The following MAN1A1 variants were observed in gnomAD, a reference collection of about 807,000 sequenced individuals.
The protein encoded by MAN1A1 is mannosyl-oligosaccharide 1,2-alpha-mannosidase IA.
In MAN1A1, 29 loss-of-function variants were observed where a neutral mutation model predicts 70.8. The ratio of observed to expected loss-of-function variants is 0.41; its 90% CI spans 0.31 to 0.56. The LOEUF is 0.56. MAN1A1 is among the 20% of genes least tolerant of loss of function. MAN1A1 has a pLI of 0.29. For missense variants in MAN1A1, 747 were observed against 841.3 expected (o/e 0.89, Z 1.39); for synonymous variants, 349 against 330.1 (o/e 1.06, Z -0.62).
At chr6:119,215,913 C>G (rs986026382) in intron 6 of MAN1A1, among the ~76,000 whole-genome samples, 1 of 152,138 alleles carries the variant, frequency 6.6e-6, no homozygotes, top group African/African-American at 2.4e-5. Flanking sequence ...TTTAGACTGG[C>G]TTGTTGTGAA....
At chr6:119,221,456 A>G (rs530679870) in intron 6 of MAN1A1, among the ~76,000 whole-genome samples, 443 of 149,324 alleles carry the variant, frequency 3.0e-3, no homozygotes, top group African/African-American at 0.01. Flanking sequence ...GAATATTCAG[A>G]GACCCATTTT....
At chr6:119,270,213 C>T (rs759811855) in intron 5 of MAN1A1, among the ~76,000 whole-genome samples, 20 of 152,074 alleles carry the variant, frequency 1.3e-4, no homozygotes, top group African/African-American at 4.1e-4. Context: ...AATTCAAGCC[C>T]GCACTCTGTG....
rs563513653 is a variant in MAN1A1 at position 119,311,077 on chromosome 6, A to G, written c.604-4085T>C. Among the ~76,000 whole-genome samples the G allele has an allele frequency of 2.0e-5, 3 of 152,324 alleles. No individual in the cohort carries two copies. In the East Asian group the frequency reaches 5.8e-4, roughly 29 times the overall value. ...CAAGGCAATTAATCTCTCTGAGCCC[A>G]CTTTCTGCACACACAAAATGTGAAT... is the stretch of plus-strand genomic sequence containing the variant. On this transcript the variant is annotated intron_variant, in intron 2 of 12. Coordinates refer to ENST00000368468, the MANE Select transcript of MAN1A1 (RefSeq NM_005907.4).
chr6:119,289,061 A>G (rs929417199), intron 5 of MAN1A1, among the ~76,000 whole-genome samples: 2 of 32,518 alleles, frequency 6.2e-5, no homozygotes, highest in Non-Finnish European at 1.6e-4. Flanking sequence ...TGTGGGTATT[A>G]TAATTATATA....
intron 5 of MAN1A1, among the ~76,000 whole-genome samples, chr6:119,279,415 C>T (rs1776166602): frequency 6.6e-6 from 1 of 152,192 alleles, no homozygotes; most frequent in African/African-American, 2.4e-5. Flanking sequence ...TAACTGCCTT[C>T]TCCATGCTTG....
At chr6:119,239,906 C>T (rs1774957076) in intron 6 of MAN1A1, among the ~76,000 whole-genome samples, 1 of 152,208 alleles carries the variant, frequency 6.6e-6, no homozygotes, top group Non-Finnish European at 1.5e-5. Flanking sequence ...GGCTGATTCG[C>T]AACCAATTGT....
intron 6 of MAN1A1, chr6:119,210,920 T>C (rs951901594): frequency 4.4e-6 from 2 of 456,368 alleles, no homozygotes; most frequent in Non-Finnish European, 8.8e-6. Context: ...CTTGGGATAT[T>C]GCACATCCAC....
At chr6:119,207,136 C>G (rs1012279074) in intron 6 of MAN1A1, among the ~76,000 whole-genome samples, 3 of 152,150 alleles carry the variant, frequency 2.0e-5, no homozygotes, top group South Asian at 4.1e-4. Context: ...GCATTCAATA[C>G]GTTTAGAAAC....
In MAN1A1 at chr6:119,193,828, C is replaced by T; in HGVS notation, c.1275G>A (p.Met425Ile). 6.2e-7 allele frequency: 1 copy of T among 1,613,808 alleles called. No homozygotes were observed. Among genetic ancestry groups the T allele is most frequent in the South Asian group, 1.1e-5 (1 of 91,060 alleles). Reference sequence around the variant, plus strand: ...TAGCTTCCAGATCTGTCTTGTCAGACATTAACCAGGCCTTCAGCAAATACT... The same window carrying T: ...TAGCTTCCAGATCTGTCTTGTCAGATATTAACCAGGCCTTCAGCAAATACT... ...FYEYLLKAWL[M>I]SDKTDLEAKK... The change falls in exon 9 of 13, where the codon ATG becomes ATA. Residue 425 changes from methionine (M) to isoleucine (I), a missense_variant. Met to Ile is a conservative substitution (Grantham distance 10). Around this residue, in one of 2 missense-constraint regions of MAN1A1, gnomAD observed 419 missense variants for 548.2 expected, o/e 0.76. Coordinates refer to ENST00000368468, the MANE Select transcript of MAN1A1 (RefSeq NM_005907.4).
chr6:119,204,948 C>A, intron 6 of MAN1A1, 66 bp from the exon 7 acceptor site: 1 of 1,550,098 alleles, frequency 6.5e-7, no homozygotes, highest in Non-Finnish European at 8.8e-7. Context: ...ATCTAAATAG[C>A]AGACATGAAA....
chr6:119,313,575 G>A (rs57719294), intron 2 of MAN1A1, among the ~76,000 whole-genome samples: 164 of 151,960 alleles, frequency 1.1e-3, no homozygotes, highest in African/African-American at 3.8e-3. Flanking sequence ...TAGTAGCTAC[G>A]GTTGCGAGGA....
chr6:119,239,667 T>C (rs189224180), intron 6 of MAN1A1, among the ~76,000 whole-genome samples: 2 of 152,346 alleles, frequency 1.3e-5, no homozygotes, highest in East Asian at 3.9e-4. Context: ...ATTTTAAAAT[T>C]AAACTTTACT....
At chr6:119,224,542 T>C (rs1774452465) in intron 6 of MAN1A1, among the ~76,000 whole-genome samples, 1 of 152,156 alleles carries the variant, frequency 6.6e-6, no homozygotes, top group South Asian at 2.1e-4. Context: ...AGTTAATGGC[T>C]AGGTAAACAA....
chr6:119,201,974 A>G (rs996943973), intron 7 of MAN1A1, among the ~76,000 whole-genome samples: 5 of 152,192 alleles, frequency 3.3e-5, no homozygotes, highest in African/African-American at 9.6e-5. Context: ...TAAGTGAGTA[A>G]TAAGTGAATG....
At chr6:119,219,074 A>G (rs890142127) in intron 6 of MAN1A1, among the ~76,000 whole-genome samples, 1 of 152,208 alleles carries the variant, frequency 6.6e-6, no homozygotes, top group Non-Finnish European at 1.5e-5. Context: ...TTAAAGCTGC[A>G]GTTTCAAAGA....
At chr6:119,230,401 C>T (rs1406255262) in intron 6 of MAN1A1, among the ~76,000 whole-genome samples, 3 of 152,154 alleles carry the variant, frequency 2.0e-5, no homozygotes, top group East Asian at 1.9e-4. Flanking sequence ...TGTCAGTGTT[C>T]GCTCTCCAGC....
At chr6:119,217,283 T>TTGTTC (rs1304626588) in intron 6 of MAN1A1, among the ~76,000 whole-genome samples, 1 of 152,122 alleles carries the variant, frequency 6.6e-6, no homozygotes, top group Non-Finnish European at 1.5e-5. Context: ...TGAATTTTTT[T>TTGTTC]TGTTTTGTTT....
At chr6:119,296,361 A>C (rs1317639401) in intron 4 of MAN1A1, among the ~76,000 whole-genome samples, 1 of 152,140 alleles carries the variant, frequency 6.6e-6, no homozygotes, top group Non-Finnish European at 1.5e-5. Flanking sequence ...TCCTCTGAAA[A>C]CCAAAACCCA....
At chr6:119,248,580 A>C (rs748426430) in intron 5 of MAN1A1, among the ~76,000 whole-genome samples, 22 of 152,196 alleles carry the variant, frequency 1.4e-4, no homozygotes, top group Non-Finnish European at 2.6e-4. Context: ...TGCTCATTAG[A>C]ATCATGTGGG....
Sources: gnomAD v4.1 joint callset for allele counts (sites outside exome capture counted in the v4.1 genomes callset) on GRCh38, gnomAD v4.1.1 for gene constraint, gnomAD v4.1.1 regional missense constraint, MANE v1.5 for transcripts, NCBI Gene and HGNC (gene_info 2026-07-23, HGNC 2026-07-21) for gene names.